Variants in CCDC57 observed in about 807,000 individuals in gnomAD.
CCDC57 encodes the protein coiled-coil domain-containing protein 57.
Under a neutral mutation model 118.9 loss-of-function variants are expected in CCDC57, and 118 were observed. The observed-to-expected ratio is 0.99, with a 90% CI of 0.86 to 1.16. CCDC57 has a LOEUF of 1.16. Among genes scored for constraint, CCDC57 ranks in the 50% most tolerant of loss-of-function variants. The pLI is 0.00. For synonymous variants in CCDC57, 527 were observed against 532.9 expected, an observed-to-expected ratio of 0.99 and a Z score of 0.15; for missense variants, 1,300 against 1,320.7, an observed-to-expected ratio of 0.98 and a Z score of 0.24.
At chr17:82,155,067 C>G (rs1037790520) in intron 15 of CCDC57, 1 of 152,292 alleles carries the variant, frequency 6.6e-6, no homozygotes, top group Non-Finnish European at 1.5e-5. Flanking sequence ...GAGTCTGTGC[C>G]GTCTCAGTGC....
At chr17:82,188,831 T>C (rs745713583) in intron 7 of CCDC57, among the ~76,000 whole-genome samples, 11 of 152,266 alleles carry the variant, frequency 7.2e-5, no homozygotes, top group Non-Finnish European at 1.5e-4. Context: ...ACCCCACCTA[T>C]TGATTTTCCA....
intron 13 of CCDC57, among the ~76,000 whole-genome samples, chr17:82,169,049 T>C (rs1021639876): frequency 6.6e-6 from 1 of 152,152 alleles, no homozygotes; most frequent in Admixed American, 6.5e-5. Flanking sequence ...TACCGGAGAG[T>C]TTAGCTAGGG....
intron 9 of CCDC57, among the ~76,000 whole-genome samples, chr17:82,182,139 G>A (rs1391965600): frequency 6.6e-6 from 1 of 151,832 alleles, no homozygotes; most frequent in Non-Finnish European, 1.5e-5. Context: ...AAAAAAAGTT[G>A]AGAACATTAT....
At chr17:82,151,847 G>C in intron 15 of CCDC57, 74 bp from the exon 15 acceptor site, 2 of 1,328,816 alleles carry the variant, frequency 1.5e-6, no homozygotes, top group Non-Finnish European at 2.1e-6. Context: ...GCCCACCCAA[G>C]GAGCCTCTTC....
At chr17:82,110,795 C>T (rs979765478) in intron 19 of CCDC57, among the ~76,000 whole-genome samples, 7 of 151,944 alleles carry the variant, frequency 4.6e-5, no homozygotes, top group South Asian at 4.1e-4. Flanking sequence ...GAGGCCGAGG[C>T]GGGCGGATCA....
chr17:82,118,449 C>A lies in CCDC57; in HGVS notation c.2899+9243G>T, dbSNP rs1381777145. 6.6e-6 allele frequency among the ~76,000 whole-genome samples: 1 copy of A among 152,180 alleles called. No individual in the cohort carries two copies. Among genetic ancestry groups the A allele is most frequent in the Non-Finnish European group, 1.5e-5 (1 of 68,038 alleles). ...GAGATGGGGTTTGGAACATCCTTTG[C>A]CCCAGCGAGGTGCGAGGTGCTCCGG... On this transcript the variant is annotated intron_variant, in intron 19 of 19. Transcript: ENST00000665763. The surrounding 1 kb of genome is among the most constrained non-coding windows in gnomAD (Gnocchi z 4.7).
intron 16 of CCDC57, among the ~76,000 whole-genome samples, chr17:82,144,021 T>C (rs1015481720): frequency 4.7e-5 from 7 of 150,454 alleles, no homozygotes; most frequent in African/African-American, 1.5e-4. Context: ...GTCACTGCAC[T>C]CCAGCCTGGG....
intron 14 of CCDC57, among the ~76,000 whole-genome samples, chr17:82,161,225 G>A (rs555686621): frequency 1.3e-5 from 2 of 152,280 alleles, no homozygotes; most frequent in African/African-American, 4.8e-5. Flanking sequence ...GGGGATGGGG[G>A]AACCGGAACC....
In CCDC57 at chr17:82,142,007, C is replaced by T. The variant is rs2040078211; in HGVS notation, c.2456-7813G>A. Among the ~76,000 whole-genome samples, 6 of 152,016 alleles carry T rather than the reference C, an allele frequency of 3.9e-5. No individual in the cohort carries two copies. In the South Asian group the frequency reaches 1.0e-3, roughly 26 times the overall value. ...CCTCTACCAGAACCAGTTCTGCCTCCATCTGAAACTCGATTCTTTTACTCC... is the reference window on the plus strand; with the variant it reads ...CCTCTACCAGAACCAGTTCTGCCTCTATCTGAAACTCGATTCTTTTACTCC... On this transcript the variant is annotated intron_variant, in intron 16 of 19. Coordinates refer to ENST00000665763, the Ensembl canonical transcript of CCDC57.
At chr17:82,168,898 C>T (rs2044326545) in intron 13 of CCDC57, among the ~76,000 whole-genome samples, 1 of 151,404 alleles carries the variant, frequency 6.6e-6, no homozygotes, top group Admixed American at 6.6e-5. Flanking sequence ...TATATTAAAA[C>T]AGGAATAGAA....
intron 17 of CCDC57, among the ~76,000 whole-genome samples, chr17:82,130,795 C>T (rs1217532342): frequency 7.3e-5 from 11 of 150,426 alleles, no homozygotes; most frequent in South Asian, 2.1e-4. Flanking sequence ...TGAGCCACCA[C>T]GCCCAGCTCC....
chr17:82,182,883 A>G (rs1329525856), intron 9 of CCDC57, among the ~76,000 whole-genome samples: 1 of 151,396 alleles, frequency 6.6e-6, no homozygotes, highest in Admixed American at 6.6e-5. Context: ...ACGGGGTTTT[A>G]CCATGTTGGC....
intron 8 of CCDC57, among the ~76,000 whole-genome samples, chr17:82,187,706 C>T (rs1049554351): frequency 2.8e-5 from 1 of 36,046 alleles, no homozygotes; most frequent in African/African-American, 1.2e-4. Flanking sequence ...TGGCGGGGGT[C>T]GGGGGGAGCC....
intron 19 of CCDC57, among the ~76,000 whole-genome samples, chr17:82,110,373 G>A (rs140539560): frequency 7.6e-4 from 116 of 152,268 alleles, no homozygotes; most frequent in African/African-American, 2.5e-3. Flanking sequence ...AAGTACTGAC[G>A]GACAGAGCTG....
chr17:82,196,553 T>C (rs2048319065), intron 4 of CCDC57, among the ~76,000 whole-genome samples: 1 of 152,158 alleles, frequency 6.6e-6, no homozygotes, highest in Non-Finnish European at 1.5e-5. Flanking sequence ...CACACTGGCC[T>C]ATCCTACTAT....
chr17:82,102,256 C>A (rs754439866), intron 19 of CCDC57, among the ~76,000 whole-genome samples: 5 of 152,194 alleles, frequency 3.3e-5, no homozygotes, highest in Non-Finnish European at 5.9e-5. Context: ...GCTCCTCCCC[C>A]CAGGCTGCCC....
intron 19 of CCDC57, chr17:82,104,901 C>G (rs1164986130): frequency 6.6e-6 from 1 of 152,242 alleles, no homozygotes; most frequent in African/African-American, 2.4e-5. Context: ...AGGGAAGGTG[C>G]GGCCCTCACT....
At chr17:82,152,122 CCAACCAG>C (rs552763252) in intron 15 of CCDC57, 131 of 296,940 alleles carry the variant, frequency 4.4e-4, no homozygotes, top group African/African-American at 2.7e-3. Flanking sequence ...CTGAGGACAC[CCAACCAG>C]CACAGCAGCT....
In CCDC57 at chr17:82,178,725, C is replaced by A. The variant is rs1599191735; in HGVS notation, c.1375-120G>T. ...CAGAGCACCAGGCTCCCCACTGTGG[C>A]CAGGCCGCCAAACCCTTCCTGCCCA... On this transcript the variant is annotated intron_variant, in intron 10 of 19. Transcript: ENST00000665763. The A allele has an allele frequency of 2.1e-5, 29 of 1,410,634 alleles. No homozygotes were observed. In the East Asian group the frequency reaches 7.0e-4, roughly 34 times the overall value. The allele number at this position is 1,410,634 out of a possible 1,614,324, so 87.4% of individuals were successfully genotyped here.
Sources: gnomAD v4.1 joint callset for allele counts (sites outside exome capture counted in the v4.1 genomes callset) on GRCh38, gnomAD v4.1.1 for gene constraint, Gnocchi (gnomAD v3.1) non-coding constraint, MANE v1.5 for transcripts, NCBI Gene and HGNC (gene_info 2026-07-23, HGNC 2026-07-21) for gene names.